SPMAP2L: variants seen among roughly 807,000 people sequenced by gnomAD.
The protein encoded by SPMAP2L is sperm microtubule associated protein 2-like.
chr4:56,601,297 G>A, the SPMAP2L span, among the ~76,000 whole-genome samples: 1 of 152,102 alleles, frequency 6.6e-6, no homozygotes, highest in South Asian at 2.1e-4. Flanking sequence ...TAAGGCTACT[G>A]TTAAAAGGTT....
chr4:56,624,711 G>T, the SPMAP2L span, among the ~76,000 whole-genome samples: 34 of 152,320 alleles, frequency 2.2e-4, no homozygotes, highest in Non-Finnish European at 4.0e-4. Flanking sequence ...GAGCCTGCGG[G>T]TGCACAGAAG....
At chr4:56,532,238 C>T in the SPMAP2L span, among the ~76,000 whole-genome samples, 1 of 151,792 alleles carries the variant, frequency 6.6e-6, no homozygotes, top group Admixed American at 6.5e-5. Flanking sequence ...GAAGACTTTG[C>T]CCCATTCTTT....
chr4:56,593,270 A>T, the SPMAP2L span: 11 of 1,196,730 alleles, frequency 9.2e-6, no homozygotes, highest in Non-Finnish European at 2.5e-6. Context: ...GCGGCTGCAG[A>T]GGCGCTGCAG....
chr4:56,547,242 CTT>C, the SPMAP2L span, among the ~76,000 whole-genome samples: 96,616 of 126,080 alleles, frequency 0.77, 36,222 homozygotes, highest in Non-Finnish European at 0.8. Context: ...TACTAATTCT[CTT>C]TTTTTTTTTT....
the SPMAP2L span, among the ~76,000 whole-genome samples, chr4:56,608,666 T>C: frequency 6.6e-6 from 1 of 152,086 alleles, no homozygotes; most frequent in Admixed American, 6.6e-5. Flanking sequence ...AGGTACAATA[T>C]AGTTGGCAGA....
chr4:56,559,517 A>C, the SPMAP2L span: 1 of 1,508,416 alleles, frequency 6.6e-7, no homozygotes, highest in African/African-American at 1.4e-5. Flanking sequence ...TATGTACCTA[A>C]CAGGTTAGTG....
At chr4:56,559,002 T>C in the SPMAP2L span, among the ~76,000 whole-genome samples, 1 of 151,944 alleles carries the variant, frequency 6.6e-6, no homozygotes, top group African/African-American at 2.4e-5. Flanking sequence ...GGTGTGATAT[T>C]GGCTCACTGC....
chr4:56,546,675 A>G, the SPMAP2L span, among the ~76,000 whole-genome samples: 1 of 152,218 alleles, frequency 6.6e-6, no homozygotes, highest in African/African-American at 2.4e-5. Context: ...TTATAGTATG[A>G]AAGAGCAATA....
At chr4:56,583,220 G>A in the SPMAP2L span, among the ~76,000 whole-genome samples, 2 of 151,860 alleles carry the variant, frequency 1.3e-5, no homozygotes, top group Admixed American at 1.3e-4. Flanking sequence ...GTTAGAGTGA[G>A]CCCAGATAGT....
chr4:56,536,202 C>T, the SPMAP2L span, among the ~76,000 whole-genome samples: 1 of 152,220 alleles, frequency 6.6e-6, no homozygotes, highest in African/African-American at 2.4e-5. Context: ...CCTTAGCAGG[C>T]CTACAAGGCC....
At chr4:56,533,052 C>T in the SPMAP2L span, among the ~76,000 whole-genome samples, 1 of 152,200 alleles carries the variant, frequency 6.6e-6, no homozygotes, top group Non-Finnish European at 1.5e-5. Context: ...TGCTGTCTCT[C>T]CTCACCTTAT....
At chr4:56,554,207 G>A in the SPMAP2L span, among the ~76,000 whole-genome samples, 1 of 152,078 alleles carries the variant, frequency 6.6e-6, no homozygotes, top group Admixed American at 6.6e-5. Context: ...AGCTAATTTG[G>A]GTAAATTGCT....
At chr4:56,596,611 A>T in the SPMAP2L span, 1 of 1,527,492 alleles carries the variant, frequency 6.5e-7, no homozygotes, top group African/African-American at 1.4e-5. Flanking sequence ...AAGACAAAGA[A>T]GTGAACTGCC....
At chr4:56,562,366 A>AT in the SPMAP2L span, among the ~76,000 whole-genome samples, 1 of 151,704 alleles carries the variant, frequency 6.6e-6, no homozygotes, top group Non-Finnish European at 1.5e-5. Flanking sequence ...AAAAAAAAAA[A>AT]GCAAAAGGAA....
chr4:56,547,334 C>T, the SPMAP2L span, among the ~76,000 whole-genome samples: 1 of 151,874 alleles, frequency 6.6e-6, no homozygotes, highest in Non-Finnish European at 1.5e-5. Context: ...CAACCTCCGC[C>T]TCCCAGGTTC....
At chr4:56,593,369 A>G in the SPMAP2L span, 1 of 1,240,900 alleles carries the variant, frequency 8.1e-7, no homozygotes. Flanking sequence ...CGAGCCAAAT[A>G]TACTGGAGTC....
the SPMAP2L span, among the ~76,000 whole-genome samples, chr4:56,614,247 T>A: frequency 6.6e-6 from 1 of 152,304 alleles, no homozygotes; most frequent in East Asian, 1.9e-4. Context: ...ATAAAGGTTA[T>A]TTGCAGCTTC....
At chr4:56,593,339 C>T in the SPMAP2L span, 1 of 1,145,884 alleles carries the variant, frequency 8.7e-7, no homozygotes, top group East Asian at 2.3e-5. Context: ...CACCCACAGA[C>T]AATAGCTGTT....
the SPMAP2L span, among the ~76,000 whole-genome samples, chr4:56,578,630 G>T: frequency 6.6e-6 from 1 of 152,060 alleles, no homozygotes; most frequent in Admixed American, 6.6e-5. Context: ...TAAACAAATA[G>T]ACTGAAAGTA....
Sources: allele counts gnomAD v4.1 joint callset (sites outside exome capture counted in the v4.1 genomes callset), GRCh38; gene constraint gnomAD v4.1.1; transcripts MANE v1.5; gene names NCBI Gene and HGNC (gene_info 2026-07-23, HGNC 2026-07-21).